PTPRG: variants seen among roughly 807,000 people sequenced by gnomAD.
PTPRG encodes receptor-type tyrosine-protein phosphatase gamma.
In PTPRG, 102 loss-of-function variants were observed where a neutral mutation model predicts 165.3. The observed-to-expected ratio is 0.62, with a 90% CI of 0.53 to 0.73. The LOEUF (loss-of-function observed/expected upper bound fraction) is 0.73, where lower values mean the gene tolerates loss of function less well. PTPRG is among the 30% of genes least tolerant of loss of function. The pLI, the probability that PTPRG is intolerant of heterozygous loss-of-function variation, is 0.00. For synonymous variants in PTPRG, 675 were observed against 669.5 expected (o/e 1.01, Z -0.13); for missense variants, 1,866 against 1,861.4 (o/e 1.00, Z -0.05).
chr3:61,937,660 C>T (rs2039512933), intron 2 of PTPRG, among the ~76,000 whole-genome samples: 1 of 152,196 alleles, frequency 6.6e-6, no homozygotes, highest in African/African-American at 2.4e-5. Flanking sequence ...AACATTTTCA[C>T]AGCTTCTTGC....
chr3:61,599,774 A>G (rs74530693), intron 1 of PTPRG, among the ~76,000 whole-genome samples: 17,774 of 152,000 alleles, frequency 0.12, 1,167 homozygotes, highest in African/African-American at 0.17. Flanking sequence ...GATAATCGGC[A>G]TGAACCACCG....
intron 2 of PTPRG, among the ~76,000 whole-genome samples, chr3:61,792,501 C>A (rs997246025): frequency 6.6e-6 from 1 of 152,114 alleles, no homozygotes; most frequent in African/African-American, 2.4e-5. Context: ...GGCTTTACTT[C>A]TCCGTTGAGC....
chr3:62,135,910 G>T (rs1237901399), intron 6 of PTPRG, among the ~76,000 whole-genome samples: 2 of 152,210 alleles, frequency 1.3e-5, no homozygotes, highest in South Asian at 4.1e-4. Context: ...GAATGGCCCA[G>T]CTCTTGTTCC....
At chr3:61,606,222 C>T (rs746639213) in intron 1 of PTPRG, among the ~76,000 whole-genome samples, 2 of 152,296 alleles carry the variant, frequency 1.3e-5, no homozygotes, top group East Asian at 3.9e-4. Context: ...GTTAGCAGAA[C>T]GTAGCGCTTC....
At chr3:62,094,781 G>A (rs1702053879) in intron 5 of PTPRG, among the ~76,000 whole-genome samples, 1 of 152,174 alleles carries the variant, frequency 6.6e-6, no homozygotes, top group African/African-American at 2.4e-5. Context: ...ATGAGACTGG[G>A]GAGAGTAGGG....
At position 61,997,413 on chromosome 3, in the gene PTPRG, C is replaced by G. The variant is rs2041065382; in HGVS notation, c.371-5936C>G. Among the ~76,000 whole-genome samples the G allele has an allele frequency of 3.3e-5, 5 of 152,226 alleles. No homozygotes were observed. In the South Asian group the frequency reaches 1.0e-3, roughly 32 times the overall value. ...CTGCTCACTGTCCGTGCCTCATGCTCTGTCCTCGTGTCCCATCCTGCTCTC... is the reference window on the plus strand; with the variant it reads ...CTGCTCACTGTCCGTGCCTCATGCTGTGTCCTCGTGTCCCATCCTGCTCTC... On this transcript the variant is annotated intron_variant, in intron 3 of 29. Coordinates refer to ENST00000474889, the MANE Select transcript of PTPRG (RefSeq NM_002841.4).
At chr3:62,165,113 G>A (rs1704918952) in intron 7 of PTPRG, among the ~76,000 whole-genome samples, 3 of 152,184 alleles carry the variant, frequency 2.0e-5, no homozygotes, top group African/African-American at 7.2e-5. Flanking sequence ...ACATGGAGAA[G>A]AGCTGGTCAG....
At chr3:61,578,055 A>G (rs1700204985) in intron 1 of PTPRG, among the ~76,000 whole-genome samples, 1 of 152,224 alleles carries the variant, frequency 6.6e-6, no homozygotes, top group Non-Finnish European at 1.5e-5. Context: ...GCACTTGAAA[A>G]TAAAAGCCGT....
chr3:61,925,095 C>G lies in PTPRG; in HGVS notation c.191-64530C>G, dbSNP rs548978424. On this transcript the variant is annotated intron_variant, in intron 2 of 29. Transcript: ENST00000474889. ...AATAAATTTCTATTAGTTAAGCCAC[C>G]TAGTTTGTGGTATTTTGTCATAGCG... Among the ~76,000 whole-genome samples, 108 of 152,308 alleles carry G rather than the reference C, an allele frequency of 7.1e-4. 1 individual carries two copies. Among genetic ancestry groups the G allele is most frequent in the Non-Finnish European group, 1.0e-4 (7 of 68,036 alleles).
chr3:61,914,594 A>G (rs1394320777), intron 2 of PTPRG, among the ~76,000 whole-genome samples: 1 of 152,198 alleles, frequency 6.6e-6, no homozygotes, highest in Non-Finnish European at 1.5e-5. Context: ...CTTGGCCTTT[A>G]TGAATAAACA....
intron 2 of PTPRG, among the ~76,000 whole-genome samples, chr3:61,881,282 T>A (rs1484880653): frequency 2.0e-5 from 3 of 152,230 alleles, no homozygotes; most frequent in African/African-American, 4.8e-5. Context: ...ACTGTTTTAC[T>A]ATTGGTTACT....
rs1325677345 is a variant in PTPRG, at chr3:61,830,578, T to G, written c.190+81596T>G. On this transcript the variant is annotated intron_variant, in intron 2 of 29. Transcript: ENST00000474889. ...TCTTTTTGTTTTTGTTTTTTTTTTT[T>G]TTTTTTTTTTTTGGAGATGGAGTTT... Among the ~76,000 whole-genome samples the G allele has an allele frequency of 1.2e-3, 174 of 146,094 alleles. 1 individual carries two copies. Among genetic ancestry groups the G allele is most frequent in the African/African-American group, 3.7e-3 (147 of 39,896 alleles).
intron 2 of PTPRG, among the ~76,000 whole-genome samples, chr3:61,969,748 A>G (rs2040343775): frequency 6.6e-6 from 1 of 152,086 alleles, no homozygotes; most frequent in Non-Finnish European, 1.5e-5. Context: ...TCAGCTGCAT[A>G]TGTCCAACCT....
At chr3:62,243,770 A>C in intron 14 of PTPRG, 37 bp from the exon 15 acceptor site, 383 of 1,089,250 alleles carry the variant, frequency 3.5e-4, no homozygotes, top group Non-Finnish European at 4.9e-4. Flanking sequence ...AATAAAGTAT[A>C]TTCTATTATT....
chr3:62,082,649 C>T (rs572059429), intron 5 of PTPRG, among the ~76,000 whole-genome samples: 7 of 152,246 alleles, frequency 4.6e-5, no homozygotes, highest in East Asian at 1.9e-4. Context: ...ATGACTGGCC[C>T]GGACCCCAGT....
chr3:62,117,476 C>T (rs934952145), intron 5 of PTPRG, among the ~76,000 whole-genome samples: 1 of 152,130 alleles, frequency 6.6e-6, no homozygotes, highest in Non-Finnish European at 1.5e-5. Flanking sequence ...AAAGCTGTTT[C>T]TAGATTTTTG....
At chr3:62,090,361 A>T (rs139788421) in intron 5 of PTPRG, among the ~76,000 whole-genome samples, 1 of 152,096 alleles carries the variant, frequency 6.6e-6, no homozygotes, top group African/African-American at 2.4e-5. Context: ...TGAACCGATT[A>T]TAGGGTTTAG....
chr3:62,150,842 T>C (rs1241134849), intron 6 of PTPRG, among the ~76,000 whole-genome samples: 1 of 152,200 alleles, frequency 6.6e-6, no homozygotes, highest in African/African-American at 2.4e-5. Flanking sequence ...CCTTCCAATC[T>C]TCCAATGTAA....
intron 1 of PTPRG, among the ~76,000 whole-genome samples, chr3:61,728,681 T>A (rs74495930): frequency 2.5e-5 from 2 of 79,544 alleles, no homozygotes; most frequent in East Asian, 2.7e-3. Flanking sequence ...GCTATGTATT[T>A]TTTTTGTATC....
Sources: gnomAD v4.1 joint callset for allele counts (sites outside exome capture counted in the v4.1 genomes callset) on GRCh38, gnomAD v4.1.1 for gene constraint, MANE v1.5 for transcripts, NCBI Gene and HGNC (gene_info 2026-07-23, HGNC 2026-07-21) for gene names.